Variants in LHFPL3 observed in about 807,000 individuals in gnomAD.
The protein encoded by LHFPL3 is LHFPL tetraspan subfamily member 3 protein.
A neutral mutation model predicts 19.3 loss-of-function variants in LHFPL3; 5 were observed. The ratio of observed to expected loss-of-function variants is 0.26; its 90% CI spans 0.14 to 0.54. LHFPL3 has a LOEUF of 0.54. LHFPL3 is among the 20% of genes least tolerant of loss of function. LHFPL3 has a pLI of 0.94. For synonymous variants in LHFPL3, 133 were observed against 126.2 expected, an observed-to-expected ratio of 1.05 and a Z score of -0.36; for missense variants, 249 against 307.4, an observed-to-expected ratio of 0.81 and a Z score of 1.42.
chr7:104,506,079 C>T (rs943290425), intron 1 of LHFPL3, among the ~76,000 whole-genome samples: 9 of 151,146 alleles, frequency 6.0e-5, no homozygotes, highest in African/African-American at 1.5e-4. Context: ...TGCAGTGACA[C>T]GATTTTGGCT....
At chr7:104,836,571 A>T (rs1331349960) in intron 2 of LHFPL3, among the ~76,000 whole-genome samples, 1 of 152,226 alleles carries the variant, frequency 6.6e-6, no homozygotes, top group Non-Finnish European at 1.5e-5. Context: ...GAAAGCAGTG[A>T]TGGAAGCAAA....
intron 1 of LHFPL3, among the ~76,000 whole-genome samples, chr7:104,598,937 CA>C (rs1435645195): frequency 6.6e-6 from 1 of 152,204 alleles, no homozygotes; most frequent in Non-Finnish European, 1.5e-5. Context: ...TCATTCCTTA[CA>C]AAAGTGTCTT....
chr7:104,553,742 G>A (rs568896639), intron 1 of LHFPL3, among the ~76,000 whole-genome samples: 104 of 152,102 alleles, frequency 6.8e-4, no homozygotes, highest in Non-Finnish European at 7.5e-4. Context: ...CTACAAATAA[G>A]CAAGTCCCCT....
intron 1 of LHFPL3, among the ~76,000 whole-genome samples, chr7:104,540,456 C>T (rs1421884257): frequency 6.6e-6 from 1 of 152,134 alleles, no homozygotes; most frequent in Non-Finnish European, 1.5e-5. Context: ...CTATAATGCA[C>T]AGGACAGTCC....
At chr7:104,756,964 G>A (rs1473882336) in intron 2 of LHFPL3, among the ~76,000 whole-genome samples, 4 of 152,148 alleles carry the variant, frequency 2.6e-5, no homozygotes, top group South Asian at 4.1e-4. Flanking sequence ...TTTTTTAAAT[G>A]TAACATTGTT....
At chr7:104,634,656 A>G (rs879380313) in intron 1 of LHFPL3, among the ~76,000 whole-genome samples, 1 of 152,186 alleles carries the variant, frequency 6.6e-6, no homozygotes, top group African/African-American at 2.4e-5. Flanking sequence ...ATCCAGAATC[A>G]TATCTCCTAA....
At chr7:104,704,199 A>T (rs1420823939) in intron 1 of LHFPL3, among the ~76,000 whole-genome samples, 6 of 152,214 alleles carry the variant, frequency 3.9e-5, no homozygotes, top group Non-Finnish European at 5.9e-5. Context: ...ATTGAAAAAC[A>T]CTACAAAGCA....
intron 1 of LHFPL3, among the ~76,000 whole-genome samples, chr7:104,513,137 T>C (rs1196064821): frequency 1.3e-5 from 2 of 152,196 alleles, no homozygotes; most frequent in Non-Finnish European, 2.9e-5. Flanking sequence ...TCATCCACTT[T>C]TAATTTGTTT....
At chr7:104,704,246 T>C (rs1392723858) in intron 1 of LHFPL3, among the ~76,000 whole-genome samples, 1 of 152,210 alleles carries the variant, frequency 6.6e-6, no homozygotes, top group Non-Finnish European at 1.5e-5. Context: ...CACCAGTTGT[T>C]AATCATTTAA....
chr7:104,412,189 T>G (rs978712492), intron 1 of LHFPL3, among the ~76,000 whole-genome samples: 1 of 148,616 alleles, frequency 6.7e-6, no homozygotes, highest in Non-Finnish European at 1.5e-5. Flanking sequence ...ATTATGTCCT[T>G]TAAGTATACC....
intron 1 of LHFPL3, among the ~76,000 whole-genome samples, chr7:104,650,215 A>C (rs1323121532): frequency 6.6e-6 from 1 of 152,218 alleles, no homozygotes; most frequent in Non-Finnish European, 1.5e-5. Context: ...CAGAAGAAAT[A>C]GTATGTAGGC....
intron 2 of LHFPL3, among the ~76,000 whole-genome samples, chr7:104,839,748 C>T (rs1791160733): frequency 1.3e-5 from 2 of 152,290 alleles, no homozygotes; most frequent in African/African-American, 4.8e-5. Context: ...GTAACACTTG[C>T]TTGTGAAGAT....
chr7:104,525,006 C>T (rs1411339986), intron 1 of LHFPL3, among the ~76,000 whole-genome samples: 4 of 152,114 alleles, frequency 2.6e-5, no homozygotes, highest in Admixed American at 6.5e-5. Flanking sequence ...TGACCATATG[C>T]GTCGTCGTGG....
chr7:104,612,777 A>G lies in LHFPL3; in HGVS notation c.446-123898A>G, dbSNP rs6958378. On this transcript the variant is annotated intron_variant, in intron 1 of 2. Coordinates refer to ENST00000424859, the MANE Select transcript of LHFPL3 (RefSeq NM_199000.3). ...CGATGACACTACTTTGCTTAGAGGG[A>G]CTGACATTTCATTTCCTACCTGACT... Among the ~76,000 whole-genome samples, 318 of 152,288 alleles carry G rather than the reference A, an allele frequency of 2.1e-3. 2 individuals carry two copies. The highest frequency in any genetic ancestry group is 7.2e-3 in the African/African-American group (298 of 41,564).
chr7:104,359,455 G>A (rs567380918), intron 1 of LHFPL3, among the ~76,000 whole-genome samples: 1 of 152,312 alleles, frequency 6.6e-6, no homozygotes, highest in South Asian at 2.1e-4. Flanking sequence ...ATTTTTTGAA[G>A]TGTCAATGTT....
At chr7:104,830,087 A>G (rs1281678152) in intron 2 of LHFPL3, among the ~76,000 whole-genome samples, 1 of 151,922 alleles carries the variant, frequency 6.6e-6, no homozygotes, top group Non-Finnish European at 1.5e-5. Context: ...GCCAGTGATG[A>G]TGAGCATTTT....
At chr7:104,444,065 C>T (rs1184021545) in intron 1 of LHFPL3, among the ~76,000 whole-genome samples, 1 of 152,228 alleles carries the variant, frequency 6.6e-6, no homozygotes, top group African/African-American at 2.4e-5. Context: ...GGAAGACTAT[C>T]ATTCCACATG....
chr7:104,827,973 G>T (rs1562806008), intron 2 of LHFPL3, among the ~76,000 whole-genome samples: 1 of 151,906 alleles, frequency 6.6e-6, no homozygotes, highest in African/African-American at 2.4e-5. Flanking sequence ...GCACCAGACT[G>T]ACTGCCCCCA....
intron 2 of LHFPL3, among the ~76,000 whole-genome samples, chr7:104,890,868 G>A (rs1489947132): frequency 7.9e-5 from 12 of 152,122 alleles, no homozygotes; most frequent in Non-Finnish European, 1.5e-4. Context: ...TGCCTCACAG[G>A]CTGATGAGAA....
Sources: allele counts gnomAD v4.1 joint callset (sites outside exome capture counted in the v4.1 genomes callset), GRCh38; gene constraint gnomAD v4.1.1; transcripts MANE v1.5; gene names NCBI Gene and HGNC (gene_info 2026-07-23, HGNC 2026-07-21).